The following TPRG1 variants were observed in gnomAD, a reference collection of about 807,000 sequenced individuals.
TPRG1 encodes the protein tumor protein p63 regulated 1, also known as tumor protein p63-regulated gene 1 protein.
TPRG1 carries 29 observed loss-of-function variants against 29.3 expected under a neutral mutation model. The ratio of observed to expected loss-of-function variants is 0.99; its 90% confidence interval spans 0.74 to 1.35. The LOEUF is 1.35. Among genes scored for constraint, TPRG1 ranks in the 40% most tolerant of loss-of-function variants. TPRG1 has a pLI of 0.00. For synonymous variants in TPRG1, 130 were observed against 116.8 expected (o/e 1.11, Z -0.73); for missense variants, 327 against 335.0 (o/e 0.98, Z 0.19).
At chr3:189,042,291 G>A (rs1714686314) in intron 4 of TPRG1, among the ~76,000 whole-genome samples, 1 of 151,980 alleles carries the variant, frequency 6.6e-6, no homozygotes, top group Non-Finnish European at 1.5e-5. Context: ...CAGCTTTTTT[G>A]GTTAATTTTA....
chr3:189,103,770 T>A (rs1163983815), intron 1 of TPRG1, among the ~76,000 whole-genome samples: 2 of 152,166 alleles, frequency 1.3e-5, no homozygotes, highest in African/African-American at 4.8e-5. Context: ...GTAATGATTG[T>A]TATCAGGATC....
chr3:189,051,827 A>C (rs545200760), intron 4 of TPRG1, among the ~76,000 whole-genome samples: 1 of 152,342 alleles, frequency 6.6e-6, no homozygotes, highest in Admixed American at 6.5e-5. Flanking sequence ...CAAAGCAAAC[A>C]AAAACATAAA....
intron 3 of TPRG1, among the ~76,000 whole-genome samples, chr3:189,133,640 T>G (rs1723369465): frequency 6.6e-6 from 1 of 152,198 alleles, no homozygotes; most frequent in Non-Finnish European, 1.5e-5. Context: ...TCTTCAGCCT[T>G]GTGGAACTGT....
At chr3:189,145,189 G>A (rs546616573) in intron 3 of TPRG1, among the ~76,000 whole-genome samples, 6 of 151,710 alleles carry the variant, frequency 4.0e-5, no homozygotes, top group Middle Eastern at 3.4e-3. Flanking sequence ...TGGTGAAACC[G>A]CGTCTCTACT....
At chr3:189,210,562 A>G (rs1735107838) in intron 2 of TPRG1, among the ~76,000 whole-genome samples, 1 of 152,234 alleles carries the variant, frequency 6.6e-6, no homozygotes, top group Non-Finnish European at 1.5e-5. Context: ...TACAGATGAT[A>G]TAGTCAGATG....
chr3:189,267,729 G>T (rs951864136), intron 4 of TPRG1: 1 of 152,206 alleles, frequency 6.6e-6, no homozygotes, highest in Non-Finnish European at 1.5e-5. Flanking sequence ...TGAATGGTAA[G>T]ATAGGAGGTT....
chr3:189,182,802 T>C lies in TPRG1; in HGVS notation c.-10+10671T>C, dbSNP rs574778702. Among the ~76,000 whole-genome samples the C allele has an allele frequency of 1.2e-3, 185 of 152,298 alleles. 1 individual carries two copies. The highest frequency in any genetic ancestry group is 0.011 in the South Asian group (53 of 4,830). On this transcript the variant is annotated intron_variant, in intron 1 of 5. Coordinates refer to ENST00000345063, the MANE Select transcript of TPRG1 (RefSeq NM_198485.4). ...ATTTATTTATTTATTTCCAGCTTTA[T>C]TGAGGTATAATTGACAAATAATAAT...
At chr3:189,171,494 A>G (rs1728806238), upstream of TPRG1, among the ~76,000 whole-genome samples, 1 of 152,250 alleles carries the variant, frequency 6.6e-6, no homozygotes, top group African/African-American at 2.4e-5. Context: ...ACACTTACAT[A>G]GAGACAATAT....
chr3:189,129,644 T>G (rs924654851), intron 2 of TPRG1, among the ~76,000 whole-genome samples: 1 of 152,210 alleles, frequency 6.6e-6, no homozygotes, highest in Non-Finnish European at 1.5e-5. Flanking sequence ...CATTTTCTAT[T>G]TTCCTCATTT....
At chr3:189,023,337 C>G (rs1560400450) in intron 3 of TPRG1, among the ~76,000 whole-genome samples, 1 of 152,208 alleles carries the variant, frequency 6.6e-6, no homozygotes, top group Non-Finnish European at 1.5e-5. Context: ...CTGTGTTTTT[C>G]AGCTCTATCA....
chr3:189,310,363 A>G, intron 4 of TPRG1, 23 bp from the exon 5 acceptor site: 1 of 1,556,990 alleles, frequency 6.4e-7, no homozygotes. Context: ...TGACTAATCT[A>G]ATGGAAAACG....
intron 4 of TPRG1, among the ~76,000 whole-genome samples, chr3:189,277,025 C>G (rs1356236622): frequency 2.0e-5 from 3 of 152,122 alleles, no homozygotes; most frequent in Non-Finnish European, 4.4e-5. Flanking sequence ...ATTTCTGTCT[C>G]CACTATAATT....
chr3:189,059,446 G>T (rs1346948414), intron 4 of TPRG1, among the ~76,000 whole-genome samples: 1 of 152,122 alleles, frequency 6.6e-6, no homozygotes, highest in East Asian at 1.9e-4. Context: ...CAAAAAATTA[G>T]CTGGGTGTGG....
intron 4 of TPRG1, among the ~76,000 whole-genome samples, chr3:189,296,430 A>G (rs6769057): frequency 0.2 from 30,306 of 152,166 alleles, 5,876 homozygotes; most frequent in African/African-American, 0.51. Flanking sequence ...TTGCAAATAT[A>G]CAGACGATTA....
chr3:189,275,885 A>T (rs1716052393), intron 4 of TPRG1, among the ~76,000 whole-genome samples: 1 of 152,200 alleles, frequency 6.6e-6, no homozygotes, highest in Non-Finnish European at 1.5e-5. Flanking sequence ...CAAAGAAAAT[A>T]GACAATCTCA....
intron 5 of TPRG1, chr3:189,315,526 T>C (rs1202638152): frequency 8.8e-6 from 4 of 455,742 alleles, no homozygotes; most frequent in Non-Finnish European, 1.8e-5. Flanking sequence ...GGATGAGTAC[T>C]GAACCCAGAA....
At position 189,310,519 on chromosome 3, in the gene TPRG1, A is replaced by C. The variant is rs777536400; in HGVS notation, c.613A>C (p.Lys205Gln). The C allele has an allele frequency of 6.2e-7, 1 of 1,609,966 alleles. No homozygotes were observed. The highest frequency in any genetic ancestry group is 2.2e-5 in the East Asian group (1 of 44,846). ...GCATCCTATGAAATACACCAGTGAG[A>C]AATTCCTTGAAATTTGCAAGGTAGG... ...TEHPMKYTSE[K>Q]FLEICKLSGF... The change falls in exon 5 of 6, where the codon AAA (lysine) becomes CAA (glutamine). Residue 205 changes from lysine (K) to glutamine (Q), a missense_variant. Coordinates refer to ENST00000345063, the MANE Select transcript of TPRG1 (RefSeq NM_198485.4).
At chr3:189,161,251 C>T (rs551301351) in intron 5 of TPRG1, among the ~76,000 whole-genome samples, 2 of 152,228 alleles carry the variant, frequency 1.3e-5, no homozygotes, top group Admixed American at 1.3e-4. Flanking sequence ...ACAGGCAAGG[C>T]CTCTCTCATT....
intron 4 of TPRG1, among the ~76,000 whole-genome samples, chr3:189,281,882 TA>T (rs1311754213): frequency 6.6e-6 from 1 of 152,092 alleles, no homozygotes; most frequent in Non-Finnish European, 1.5e-5. Flanking sequence ...ATTTTATTTT[TA>T]TTTTTTATTT....
Sources: gnomAD v4.1 joint callset for allele counts (sites outside exome capture counted in the v4.1 genomes callset) on GRCh38, gnomAD v4.1.1 for gene constraint, MANE v1.5 for transcripts, NCBI Gene and HGNC (gene_info 2026-07-23, HGNC 2026-07-21) for gene names.